The following E2F2 variants were observed in gnomAD, a reference collection of about 807,000 sequenced individuals.
E2F2 encodes E2F transcription factor 2.
A neutral mutation model predicts 42.2 loss-of-function variants in E2F2; 22 were observed. The observed-to-expected ratio is 0.52, with a 90% CI of 0.37 to 0.74. E2F2 has a LOEUF of 0.74. Among genes scored for constraint, E2F2 ranks in the 30% least tolerant of loss-of-function variants. The pLI, the probability that E2F2 is intolerant of heterozygous loss-of-function variation, is 0.00. For synonymous variants in E2F2, 248 were observed against 251.6 expected (o/e 0.99, Z 0.13); for missense variants, 481 against 557.8 (o/e 0.86, Z 1.39).
chr1:23,510,184 A>G, intron 6 of E2F2, 36 bp from the exon 7 acceptor site: 1 of 1,526,504 alleles, frequency 6.6e-7, no homozygotes, highest in African/African-American at 1.4e-5. Flanking sequence ...GCCTGGCCCT[A>G]GCATCCAACT....
In E2F2 at chr1:23,509,668, A is replaced by T; in HGVS notation, c.*212T>A. 1 of 895,422 alleles carries T rather than the reference A, an allele frequency of 1.1e-6. No individual in the cohort carries two copies. Among genetic ancestry groups the T allele is most frequent in the Non-Finnish European group, 1.5e-6 (1 of 674,984 alleles). 55.5% of individuals were successfully genotyped at this position (895,422 alleles called of 1,614,324 possible). A position where few individuals can be genotyped will look rare whatever the true frequency, so the allele number is the denominator to read the frequency against. On this transcript the variant is annotated 3_prime_UTR_variant, in exon 7 of 7. Coordinates refer to ENST00000361729, the MANE Select transcript of E2F2 (RefSeq NM_004091.4). ...GGCCTCCCTAGGCCCAGCTTCCATT[A>T]GGAAGGTGAGGACCACCCCTTATCC...
intron 3 of E2F2, among the ~76,000 whole-genome samples, chr1:23,521,322 A>G (rs970224144): frequency 6.6e-6 from 1 of 152,044 alleles, no homozygotes; most frequent in Non-Finnish European, 1.5e-5. Context: ...GCCTCCTCCA[A>G]CTGGAGTAGC....
Position 23,516,471 on chromosome 1 carries a change from G to A in E2F2, c.909C>T (p.Cys303=). The A allele has an allele frequency of 6.2e-7, 1 of 1,609,962 alleles. No individual in the cohort carries two copies. The highest frequency in any genetic ancestry group is 8.5e-7 in the Non-Finnish European group (1 of 1,178,256). The part of the protein sequence containing the change: ...STQGPIEVYL[C]PEEVQEPDSP... Reference sequence around the variant, plus strand: ...TGTCCGGCTCCTGCACCTCCTCTGGGCACAGGTAGACTTCGATGGGCCCTT... The same window carrying A: ...TGTCCGGCTCCTGCACCTCCTCTGGACACAGGTAGACTTCGATGGGCCCTT... The change falls in exon 6 of 7, where the codon TGC becomes TGT. Residue 303 remains cysteine (C), a synonymous_variant. Transcript: ENST00000361729.
At chr1:23,519,660 C>T (rs1488889742) in intron 4 of E2F2, among the ~76,000 whole-genome samples, 3 of 152,248 alleles carry the variant, frequency 2.0e-5, no homozygotes, top group East Asian at 1.9e-4. Context: ...CCGAACGCGG[C>T]GGCTCATGCC....
chr1:23,525,266 A>T (rs973018214), intron 1 of E2F2, among the ~76,000 whole-genome samples: 11 of 151,126 alleles, frequency 7.3e-5, no homozygotes, highest in African/African-American at 2.7e-4. Context: ...CCACAGACCC[A>T]TCTGCTCCTC....
At chr1:23,516,034 C>T (rs1217229239) in intron 6 of E2F2, among the ~76,000 whole-genome samples, 11 of 152,136 alleles carry the variant, frequency 7.2e-5, no homozygotes, top group South Asian at 2.1e-4. Flanking sequence ...TTAATTACTG[C>T]GCCCAACTCA....
At position 23,509,598 on chromosome 1, in the gene E2F2, A is replaced by C; in HGVS notation, c.*282T>G. 1 of 396,398 alleles carries C rather than the reference A, an allele frequency of 2.5e-6. No individual in the cohort carries two copies. The highest frequency in any genetic ancestry group is 4.1e-6 in the Non-Finnish European group (1 of 245,604). 24.6% of individuals were successfully genotyped at this position (396,398 alleles called of 1,614,324 possible). A position where few individuals can be genotyped will look rare whatever the true frequency, so the allele number is the denominator to read the frequency against. On this transcript the variant is annotated 3_prime_UTR_variant, in exon 7 of 7. Transcript: ENST00000361729. ...GCCTTTCCCTGGACTTGGCCACCTC[A>C]CCTGCAGCCTTCTTGTGAGAGGTCA...
At chr1:23,523,796 A>G (rs2075997) in intron 2 of E2F2, among the ~76,000 whole-genome samples, 77,168 of 152,064 alleles carry the variant, frequency 0.51, 23,148 homozygotes, top group East Asian at 0.83. Flanking sequence ...GAGACTGGCC[A>G]GGCATGGTGG....
chr1:23,514,217 C>T (rs961011408), intron 6 of E2F2, among the ~76,000 whole-genome samples: 1 of 152,076 alleles, frequency 6.6e-6, no homozygotes, highest in Non-Finnish European at 1.5e-5. Flanking sequence ...GAAGGTGGTT[C>T]CAGCTTCGGA....
At chr1:23,512,803 C>T (rs1376031704) in intron 6 of E2F2, among the ~76,000 whole-genome samples, 3 of 151,848 alleles carry the variant, frequency 2.0e-5, no homozygotes, top group Non-Finnish European at 4.4e-5. Context: ...TCAGTAGATG[C>T]TCTTCACACA....
In E2F2 at chr1:23,516,347, T is replaced by C. The variant is rs1320680333; in HGVS notation, c.1033A>G (p.Thr345Ala). ...ACAAGGGACCTACCTGAGGATGCTG[T>C]GGGCTCCATGATGCTAGGGTCGGTG... is the stretch of plus-strand genomic sequence containing the variant. ...SSTDPSIMEP[T>A]ASSVPAPAPT... Residue 345 changes from threonine to alanine, a missense_variant, in exon 6 of 7, where the codon ACA (threonine) becomes GCA (alanine). Transcript: ENST00000361729. 6.5e-7 allele frequency: 1 copy of C among 1,544,296 alleles called. No homozygotes were observed.
intron 5 of E2F2, among the ~76,000 whole-genome samples, chr1:23,517,339 C>G (rs1467243520): frequency 6.6e-6 from 1 of 152,178 alleles, no homozygotes; most frequent in African/African-American, 2.4e-5. Flanking sequence ...GGTCTCCATG[C>G]CTGTACTCAC....
intron 2 of E2F2, 45 bp downstream of exon 2, chr1:23,524,338 G>T: frequency 6.9e-7 from 1 of 1,456,536 alleles, no homozygotes; most frequent in Non-Finnish European, 9.4e-7. Flanking sequence ...ACTGCCCTCT[G>T]CCCCTGCCCC....
Position 23,530,928 on chromosome 1 carries a change from G to T in E2F2, c.-135C>A. The T allele has an allele frequency of 9.3e-6, 11 of 1,188,776 alleles. No individual in the cohort carries two copies. In the South Asian group the frequency reaches 1.8e-4, roughly 19 times the overall value. The allele number at this position is 1,188,776 out of a possible 1,614,324, so 73.6% of individuals were successfully genotyped here. Reference sequence around the variant, plus strand: ...GAAGCCGCCAATGGACGCCTGCGGGGCAAGGCCGGACCCTCCCCTCCTGGC... The same window carrying T: ...GAAGCCGCCAATGGACGCCTGCGGGTCAAGGCCGGACCCTCCCCTCCTGGC... On this transcript the variant is annotated 5_prime_UTR_variant, in exon 1 of 7. Transcript: ENST00000361729. This position sits in a 1 kb window ranked among gnomAD's most constrained non-coding sequence, Gnocchi z 4.4.
chr1:23,529,550 C>G (rs969195974), intron 1 of E2F2, among the ~76,000 whole-genome samples: 1 of 152,166 alleles, frequency 6.6e-6, no homozygotes, highest in African/African-American at 2.4e-5. Context: ...CTACAACACC[C>G]CCTTCCTCTC....
intron 2 of E2F2, among the ~76,000 whole-genome samples, chr1:23,523,290 G>C (rs966809941): frequency 6.6e-6 from 1 of 151,944 alleles, no homozygotes; most frequent in Non-Finnish European, 1.5e-5. Flanking sequence ...CTGAGTAGCT[G>C]GGATTACAGG....
intron 4 of E2F2, among the ~76,000 whole-genome samples, chr1:23,520,404 T>A (rs1296283159): frequency 1.3e-5 from 2 of 152,126 alleles, no homozygotes; most frequent in Non-Finnish European, 2.9e-5. Context: ...TTTTCCAGAT[T>A]TAAAGAAATT....
chr1:23,529,207 A>G (rs1643298476), intron 1 of E2F2, among the ~76,000 whole-genome samples: 2 of 152,190 alleles, frequency 1.3e-5, no homozygotes, highest in African/African-American at 4.8e-5. Context: ...ACGAACTACA[A>G]AGATGTTTTA....
In E2F2 at chr1:23,506,914, C is replaced by T. The variant is rs1465279541; in HGVS notation, c.*2966G>A. ...GCCAGTTTTTCAAGCTTGACCACCTCCCTCTTCCTCCCTGAAGGCACACCA... is the reference window on the plus strand; with the variant it reads ...GCCAGTTTTTCAAGCTTGACCACCTTCCTCTTCCTCCCTGAAGGCACACCA... On this transcript the variant is annotated 3_prime_UTR_variant, in exon 7 of 7. Coordinates refer to ENST00000361729, the MANE Select transcript of E2F2 (RefSeq NM_004091.4). 1.3e-5 allele frequency: 2 copies of T among 152,444 alleles called. No homozygotes were observed. Among genetic ancestry groups the T allele is most frequent in the African/African-American group, 4.8e-5 (2 of 41,468 alleles). The allele number at this position is 152,444 out of a possible 1,614,324, so 9.4% of individuals were successfully genotyped here. A position where few individuals can be genotyped will look rare whatever the true frequency, so the allele number is the denominator to read the frequency against.
Sources: gnomAD v4.1 joint callset for allele counts (sites outside exome capture counted in the v4.1 genomes callset) on GRCh38, gnomAD v4.1.1 for gene constraint, Gnocchi (gnomAD v3.1) non-coding constraint, MANE v1.5 for transcripts, NCBI Gene and HGNC (gene_info 2026-07-23, HGNC 2026-07-21) for gene names.